The following UBXN2B variants were observed in gnomAD, a reference collection of about 807,000 sequenced individuals.
UBXN2B encodes UBX domain protein 2B, also known as UBX domain-containing protein 2B.
UBXN2B carries 19 observed loss-of-function variants against 37.5 expected under a neutral mutation model. The ratio of observed to expected loss-of-function variants is 0.51; its 90% CI spans 0.35 to 0.74. The LOEUF (loss-of-function observed/expected upper bound fraction) is 0.74. Among genes scored for constraint, UBXN2B ranks in the 30% least tolerant of loss-of-function variants. The pLI, the probability that UBXN2B is intolerant of heterozygous loss-of-function variation, is 0.01. For missense variants in UBXN2B, 370 were observed against 393.2 expected (o/e 0.94, Z 0.50); for synonymous variants, 145 against 143.8 (o/e 1.01, Z -0.06).
chr8:58,424,687 CG>C (rs370686138), intron 2 of UBXN2B: 124,971 of 879,200 alleles, frequency 0.14, 31 homozygotes, highest in East Asian at 0.32. Flanking sequence ...GAGTACAAGG[CG>C]GGGGGGGGGG....
In UBXN2B at chr8:58,449,367, C is replaced by T. The variant is rs1412020727; in HGVS notation, c.*1816C>T. The T allele has an allele frequency of 6.7e-6, 1 of 148,206 alleles. No individual in the cohort carries two copies. Among genetic ancestry groups the T allele is most frequent in the South Asian group, 2.3e-4 (1 of 4,412 alleles). The allele number at this position is 148,206 out of a possible 1,614,324, so 9.2% of individuals were successfully genotyped here. ...TCATCACAAATAAATTTACATCACT[C>T]ATAGGTGCTCAAAAGTCACAATCCA... On this transcript the variant is annotated 3_prime_UTR_variant, in exon 8 of 8. Transcript: ENST00000399598.
intron 6 of UBXN2B, among the ~76,000 whole-genome samples, chr8:58,445,406 A>G (rs1808643753): frequency 6.6e-6 from 1 of 152,224 alleles, no homozygotes; most frequent in Non-Finnish European, 1.5e-5. Context: ...TTTAGTGCTG[A>G]TAATATGTTC....
intron 1 of UBXN2B, among the ~76,000 whole-genome samples, chr8:58,415,599 A>G (rs1375111113): frequency 6.6e-6 from 1 of 152,078 alleles, no homozygotes; most frequent in Non-Finnish European, 1.5e-5. Context: ...TCTTCTAGTG[A>G]TGGAACACAT....
chr8:58,411,363 C>A lies in UBXN2B; in HGVS notation c.-23C>A, dbSNP rs1277361319. On this transcript the variant is annotated 5_prime_UTR_variant, in exon 1 of 8. Transcript: ENST00000399598. ...GAAGTTGCGGCAGGTGCGTCCGCAG[C>A]GGGCGCCGCTAGCCAGCGGAAGATG... 18 of 1,267,730 alleles carry A rather than the reference C, an allele frequency of 1.4e-5. No individual in the cohort carries two copies. Among genetic ancestry groups the A allele is most frequent in the Non-Finnish European group, 1.7e-5 (17 of 1,003,956 alleles). The allele number at this position is 1,267,730 out of a possible 1,614,324, so 78.5% of individuals were successfully genotyped here.
chr8:58,414,893 C>T (rs1225657526), intron 1 of UBXN2B, among the ~76,000 whole-genome samples: 1 of 151,978 alleles, frequency 6.6e-6, no homozygotes, highest in Non-Finnish European at 1.5e-5. Flanking sequence ...ATTTATGTCA[C>T]CAAAGAAAAT....
chr8:58,441,276 GAGCCACT>G (rs1585618225), intron 6 of UBXN2B, among the ~76,000 whole-genome samples: 1 of 150,388 alleles, frequency 6.6e-6, no homozygotes, highest in African/African-American at 2.5e-5. Context: ...TTACAGGCAT[GAGCCACT>G]ATGCCTGGCC....
chr8:58,440,199 A>T (rs778378899), intron 6 of UBXN2B, among the ~76,000 whole-genome samples: 3 of 152,194 alleles, frequency 2.0e-5, no homozygotes, highest in African/African-American at 7.2e-5. Context: ...ACTATATTAT[A>T]TGCCTCTTTC....
chr8:58,446,779 A>ATTGTTTTTTTTTTTTTTTT (rs1808682530), intron 7 of UBXN2B, among the ~76,000 whole-genome samples: 1 of 17,386 alleles, frequency 5.8e-5, no homozygotes, highest in Non-Finnish European at 1.0e-4. Flanking sequence ...TACAACCTGC[A>ATTGTTTTTTTTTTTTTTTT]TTTTTTTTTT....
intron 3 of UBXN2B, among the ~76,000 whole-genome samples, chr8:58,431,551 C>T (rs1172510458): frequency 1.1e-4 from 17 of 152,104 alleles, no homozygotes; most frequent in Admixed American, 1.1e-3. Context: ...TTTTTTTACT[C>T]ACTTATGGTT....
chr8:58,429,719 T>C (rs773546060), intron 2 of UBXN2B, among the ~76,000 whole-genome samples: 8 of 152,202 alleles, frequency 5.3e-5, no homozygotes, highest in Non-Finnish European at 1.2e-4. Context: ...GTTCTATGTG[T>C]CAGTTCAGTG....
At chr8:58,434,850 G>A in intron 5 of UBXN2B, 6 of 1,535,574 alleles carry the variant, frequency 3.9e-6, no homozygotes, top group Non-Finnish European at 5.2e-6. Flanking sequence ...CCTGCTTACT[G>A]TTGACAGGGT....
At chr8:58,417,740 G>A (rs1028072951) in intron 2 of UBXN2B, among the ~76,000 whole-genome samples, 1 of 152,164 alleles carries the variant, frequency 6.6e-6, no homozygotes, top group Non-Finnish European at 1.5e-5. Context: ...GACTAGTAGA[G>A]TAAATACTGT....
chr8:58,445,947 G>C lies in UBXN2B; in HGVS notation c.712G>C (p.Glu238Gln), dbSNP rs1380937657. The change falls in exon 7 of 8, where the codon GAG becomes CAG. Residue 238 changes from glutamate to glutamine, a missense_variant. Transcript: ENST00000399598. ...AGTCAGTACACCTTCCTCTCCAGAA[G>C]AGGAGGATAAATCAATACTTAATGC... ...EIVSTPSSPE[E>Q]EDKSILNAVV... 2.5e-6 allele frequency: 4 copies of C among 1,611,860 alleles called. No individual in the cohort carries two copies. The highest frequency in any genetic ancestry group is 2.5e-6 in the Non-Finnish European group (3 of 1,179,326).
intron 5 of UBXN2B, among the ~76,000 whole-genome samples, chr8:58,439,098 C>T (rs922679544): frequency 1.3e-5 from 2 of 152,084 alleles, no homozygotes; most frequent in Non-Finnish European, 2.9e-5. Context: ...GTAAGTTTCC[C>T]GAGGTCTCAC....
chr8:58,411,479 G>A lies in UBXN2B; in HGVS notation c.84+10G>A. On this transcript the variant is annotated intron_variant, in intron 1 of 7. Transcript: ENST00000399598. The stretch of plus-strand genomic sequence containing the variant: ...CGCGCGGGATTTGCAGGTGAGGCGA[G>A]GAGCCGGGGGAGGGAGCGCGGCGGT... 8.0e-7 allele frequency: 1 copy of A among 1,249,290 alleles called. No homozygotes were observed. Among genetic ancestry groups the A allele is most frequent in the South Asian group, 3.6e-5 (1 of 27,654 alleles). The allele number at this position is 1,249,290 out of a possible 1,614,324, so 77.4% of individuals were successfully genotyped here. A position where few individuals can be genotyped will look rare whatever the true frequency, so the allele number is the denominator to read the frequency against.
At chr8:58,439,324 A>G (rs1260043554) in intron 5 of UBXN2B, among the ~76,000 whole-genome samples, 2 of 152,222 alleles carry the variant, frequency 1.3e-5, no homozygotes, top group Non-Finnish European at 2.9e-5. Flanking sequence ...TTATCCTCAT[A>G]GGAATTTTCT....
At chr8:58,428,682 A>G (rs1808169734) in intron 2 of UBXN2B, among the ~76,000 whole-genome samples, 2 of 152,228 alleles carry the variant, frequency 1.3e-5, no homozygotes, top group Admixed American at 6.5e-5. Context: ...TCAGCAATCA[A>G]TAAATATTTT....
intron 2 of UBXN2B, chr8:58,425,687 G>T (rs776327741): frequency 1.7e-6 from 2 of 1,162,638 alleles, no homozygotes; most frequent in Middle Eastern, 2.9e-4. Flanking sequence ...CTCGAATTCT[G>T]CTATTTCAGC....
intron 3 of UBXN2B, among the ~76,000 whole-genome samples, chr8:58,431,876 A>G (rs1457752169): frequency 6.6e-6 from 1 of 152,182 alleles, no homozygotes; most frequent in Admixed American, 6.5e-5. Flanking sequence ...CCTTGCCATT[A>G]TCTGTATTAT....
Sources: allele counts gnomAD v4.1 joint callset (sites outside exome capture counted in the v4.1 genomes callset), GRCh38; gene constraint gnomAD v4.1.1; transcripts MANE v1.5; gene names NCBI Gene and HGNC (gene_info 2026-07-23, HGNC 2026-07-21).